Variants in LMO1 observed in about 807,000 individuals in gnomAD.
LMO1 encodes LIM domain only 1.
LMO1 carries 10 observed loss-of-function variants against 18.0 expected under a neutral mutation model. That is an observed-to-expected ratio of 0.55 (90% CI 0.34 to 0.94). LMO1 has a LOEUF of 0.94. LMO1 is among the 40% of genes least tolerant of loss of function. LMO1 has a pLI of 0.02. For synonymous variants in LMO1, 77 were observed against 77.9 expected (o/e 0.99, Z 0.06); for missense variants, 183 against 205.7 (o/e 0.89, Z 0.68).
At chr11:8,228,120 A>T (rs1377959556) in intron 2 of LMO1, among the ~76,000 whole-genome samples, 2 of 152,242 alleles carry the variant, frequency 1.3e-5, no homozygotes, top group African/African-American at 4.8e-5. Context: ...AACAGAACTG[A>T]TGCCCAAAGG....
intron 1 of LMO1, among the ~76,000 whole-genome samples, chr11:8,239,136 G>T (rs536231206): frequency 6.6e-6 from 1 of 152,306 alleles, no homozygotes; most frequent in African/African-American, 2.4e-5. Context: ...TGGAATCCTG[G>T]CCTGTCAGAA....
chr11:8,241,160 C>A (rs560031143), intron 1 of LMO1, among the ~76,000 whole-genome samples: 71 of 152,184 alleles, frequency 4.7e-4, no homozygotes, highest in Non-Finnish European at 8.5e-4. Flanking sequence ...TGTACCCTCA[C>A]CCCAGACTTC....
In LMO1 at chr11:8,261,098, C is replaced by A. The variant is rs979063725; in HGVS notation, c.25+2240G>T. On this transcript the variant is annotated intron_variant, in intron 1 of 3. Coordinates refer to ENST00000335790, the MANE Select transcript of LMO1 (RefSeq NM_002315.3). ...AGGGAGTGGAGTGCAGATGCATGAGCAGAAACGTCGCTTTTGAAAGACAGC... is the reference window on the plus strand; with the variant it reads ...AGGGAGTGGAGTGCAGATGCATGAGAAGAAACGTCGCTTTTGAAAGACAGC... Among the ~76,000 whole-genome samples, 99 of 152,154 alleles carry A rather than the reference C, an allele frequency of 6.5e-4. 2 individuals are homozygous for A. Among genetic ancestry groups the A allele is most frequent in the Non-Finnish European group, 1.8e-4 (12 of 68,040 alleles).
chr11:8,268,313 G>T, upstream of LMO1: 1 of 849,448 alleles, frequency 1.2e-6, no homozygotes, highest in Non-Finnish European at 1.6e-6. Context: ...GAGGCCCGCG[G>T]GTGCTGAGGG....
At chr11:8,248,359 G>T (rs928942369) in intron 1 of LMO1, among the ~76,000 whole-genome samples, 1 of 152,256 alleles carries the variant, frequency 6.6e-6, no homozygotes, top group African/African-American at 2.4e-5. Flanking sequence ...ACAGGGAGAA[G>T]AGTGTGTGCC....
chr11:8,263,557 C>A lies in LMO1; in HGVS notation c.-195G>T, dbSNP rs1847227183. The A allele has an allele frequency of 2.2e-6, 3 of 1,364,846 alleles. No individual in the cohort carries two copies. Among genetic ancestry groups the A allele is most frequent in the Non-Finnish European group, 1.9e-6 (2 of 1,061,568 alleles). The allele number at this position is 1,364,846 out of a possible 1,614,324, so 84.5% of individuals were successfully genotyped here. ...AGCACTTCGCAGATACAAAAGCAGT[C>A]TCACCTACTTTTGTGCCTCAGAATT... On this transcript the variant is annotated 5_prime_UTR_variant, in exon 1 of 4. Transcript: ENST00000335790.
chr11:8,231,731 C>T (rs547178413), intron 1 of LMO1, among the ~76,000 whole-genome samples: 3 of 152,252 alleles, frequency 2.0e-5, no homozygotes, highest in East Asian at 3.9e-4. Context: ...CCCGTCCTCT[C>T]CAAAGGACCC....
intron 1 of LMO1, among the ~76,000 whole-genome samples, chr11:8,236,578 G>T (rs1217668142): frequency 2.0e-5 from 3 of 151,992 alleles, no homozygotes; most frequent in African/African-American, 4.8e-5. Context: ...GCTGAGGGGG[G>T]CTGAGACCCA....
upstream of LMO1, among the ~76,000 whole-genome samples, chr11:8,267,330 A>C (rs922201778): frequency 1.3e-5 from 2 of 152,230 alleles, no homozygotes; most frequent in African/African-American, 4.8e-5. Flanking sequence ...AAACAAGGAC[A>C]ATTGATCACT....
chr11:8,234,328 C>T (rs1409179403), intron 1 of LMO1, among the ~76,000 whole-genome samples: 1 of 152,144 alleles, frequency 6.6e-6, no homozygotes, highest in Admixed American at 6.5e-5. Context: ...GAGGTCATCC[C>T]GCCCCTCCCA....
upstream of LMO1, among the ~76,000 whole-genome samples, chr11:8,268,199 T>A (rs981056072): frequency 6.6e-6 from 1 of 152,116 alleles, no homozygotes; most frequent in Non-Finnish European, 1.5e-5. Flanking sequence ...GACTTCCTAA[T>A]CCCGCCGCCG....
At chr11:8,226,905 C>G (rs1299666577) in intron 3 of LMO1, 70 bp downstream of exon 3, 12 of 1,546,480 alleles carry the variant, frequency 7.8e-6, no homozygotes, top group Non-Finnish European at 1.1e-5. Context: ...CCGCCGTGCT[C>G]CTGGCCCATC....
In LMO1 at chr11:8,263,610, G is replaced by C. The variant is rs1847228005; in HGVS notation, c.-248C>G. 7.4e-7 allele frequency: 1 copy of C among 1,360,012 alleles called. No individual in the cohort carries two copies. Among genetic ancestry groups the C allele is most frequent in the African/African-American group, 1.5e-5 (1 of 65,722 alleles). 84.2% of individuals were successfully genotyped at this position (1,360,012 alleles called of 1,614,324 possible). A position where few individuals can be genotyped will look rare whatever the true frequency, so the allele number is the denominator to read the frequency against. ...AAGGAACTACGAACTGCAATTTAGA[G>C]AGAGAGGGAGAGGGAGAGAGAAGGG... On this transcript the variant is annotated 5_prime_UTR_variant, in exon 1 of 4. Coordinates refer to ENST00000335790, the MANE Select transcript of LMO1 (RefSeq NM_002315.3).
intron 1 of LMO1, among the ~76,000 whole-genome samples, chr11:8,233,291 C>T (rs34619562): frequency 0.12 from 17,844 of 152,166 alleles, 1,726 homozygotes; most frequent in African/African-American, 0.26. Flanking sequence ...GAAAGGCTGG[C>T]ATCCTGGGGG....
chr11:8,268,545 C>A (rs1847284726), upstream of LMO1: 1 of 1,088,436 alleles, frequency 9.2e-7, no homozygotes, highest in South Asian at 4.1e-5. Context: ...CCGCCGGCCC[C>A]GCGCGGGCGC....
Position 8,227,027 on chromosome 11 carries a change from G to A in LMO1, c.313C>T (p.Arg105Trp), listed in dbSNP as rs747347634. The A allele has an allele frequency of 6.8e-6, 11 of 1,613,876 alleles. No individual in the cohort carries two copies. Among genetic ancestry groups the A allele is most frequent in the South Asian group, 1.1e-5 (1 of 91,078 alleles). Residue 105 changes from arginine to tryptophan, a missense_variant, in exon 3 of 4, where the codon CGG becomes TGG. By Grantham distance (101) the Arg-to-Trp change is moderately radical (BLOSUM62 -3). Transcript: ENST00000335790. ...CAGTCGAGGTGATACACGTTGTCCC[G>A]GGCCCGCATCACCATCTCGAAGGCT... ...IPAFEMVMRA[R>W]DNVYHLDCFA...
At chr11:8,246,800 G>C (rs918107592) in intron 1 of LMO1, among the ~76,000 whole-genome samples, 10 of 152,112 alleles carry the variant, frequency 6.6e-5, no homozygotes, top group Non-Finnish European at 1.5e-4. Flanking sequence ...CAGCATAGCG[G>C]GGGAAATAAC....
intron 1 of LMO1, among the ~76,000 whole-genome samples, chr11:8,256,644 C>T (rs1309348123): frequency 6.6e-6 from 1 of 152,228 alleles, no homozygotes; most frequent in African/African-American, 2.4e-5. Context: ...ACACTCCCAC[C>T]AGTAGCGAAC....
intron 1 of LMO1, among the ~76,000 whole-genome samples, chr11:8,240,993 C>T (rs761347241): frequency 1.1e-4 from 17 of 152,146 alleles, no homozygotes; most frequent in Admixed American, 2.0e-4. Flanking sequence ...ATGAGGCTTA[C>T]GTTAATTGCA....
Sources: allele counts gnomAD v4.1 joint callset (sites outside exome capture counted in the v4.1 genomes callset), GRCh38; gene constraint gnomAD v4.1.1; transcripts MANE v1.5; gene names NCBI Gene and HGNC (gene_info 2026-07-23, HGNC 2026-07-21).